NHEJ1: variants seen among roughly 807,000 people sequenced by gnomAD.
NHEJ1 encodes non-homologous end-joining factor 1.
NHEJ1 carries 22 observed loss-of-function variants against 39.4 expected under a neutral mutation model. The observed-to-expected ratio is 0.56, with a 90% CI of 0.40 to 0.80. NHEJ1 has a LOEUF of 0.80. NHEJ1 is among the 30% of genes least tolerant of loss of function. The pLI is 0.00. For synonymous variants in NHEJ1, 154 were observed against 135.6 expected (o/e 1.14, Z -0.94); for missense variants, 329 against 357.1 (o/e 0.92, Z 0.63).
chr2:219,150,426 C>A (rs559332359), intron 3 of NHEJ1, among the ~76,000 whole-genome samples: 1 of 152,284 alleles, frequency 6.6e-6, no homozygotes, highest in African/African-American at 2.4e-5. Flanking sequence ...AAAAACTTAA[C>A]CCTCTAGGAA....
intron 5 of NHEJ1, among the ~76,000 whole-genome samples, chr2:219,123,708 A>T (rs182249445): frequency 6.6e-6 from 1 of 152,042 alleles, no homozygotes; most frequent in East Asian, 1.9e-4. Context: ...TTACTCCTCT[A>T]GCCTGATCCT....
Position 219,075,613 on chromosome 2 carries a change from G to A in NHEJ1, c.*768C>T, listed in dbSNP as rs540294835. On this transcript the variant is annotated 3_prime_UTR_variant, in exon 8 of 8. Transcript: ENST00000356853. ...AAAAAAATACAAAAATTAGCTAGGT[G>A]TGGTGGTGTGTGCCTTTAGTCCCAG... 1 of 152,346 alleles carries A rather than the reference G, an allele frequency of 6.6e-6. No homozygotes were observed. The highest frequency in any genetic ancestry group is 3.4e-3 in the Middle Eastern group (1 of 294). The allele number at this position is 152,346 out of a possible 1,614,324, so 9.4% of individuals were successfully genotyped here.
chr2:219,114,195 G>A (rs1044902317), intron 5 of NHEJ1, among the ~76,000 whole-genome samples: 1 of 152,202 alleles, frequency 6.6e-6, no homozygotes, highest in African/African-American at 2.4e-5. Context: ...TGCTTATGAA[G>A]GGGTCTCCTG....
rs1948984172 is a variant in NHEJ1, at chr2:219,073,547, C to T, written c.*2834G>A. ...GTCCTAGCTAACTATGGGGGACCAG[C>T]CGGCAAGGCCAAGTAGGCCTTGCAA... On this transcript the variant is annotated 3_prime_UTR_variant, in exon 8 of 8. Coordinates refer to ENST00000356853, the MANE Select transcript of NHEJ1 (RefSeq NM_024782.3). Among the ~76,000 whole-genome samples, 1 of 152,194 alleles carries T rather than the reference C, an allele frequency of 6.6e-6. No individual in the cohort carries two copies. The highest frequency in any genetic ancestry group is 2.4e-5 in the African/African-American group (1 of 41,456).
rs1307759091 is a variant in NHEJ1 at position 219,073,192 on chromosome 2, C to T, written c.*3189G>A. Among the ~76,000 whole-genome samples, 1 of 152,172 alleles carries T rather than the reference C, an allele frequency of 6.6e-6. No homozygotes were observed. Among genetic ancestry groups the T allele is most frequent in the Non-Finnish European group, 1.5e-5 (1 of 68,036 alleles). ...TGGTCTCAACAGGCTAGACTCTTTC[C>T]AGTTCAGAGCATAGAAGCACAGATC... On this transcript the variant is annotated 3_prime_UTR_variant, in exon 8 of 8. Coordinates refer to ENST00000356853, the MANE Select transcript of NHEJ1 (RefSeq NM_024782.3).
chr2:219,159,666 T>C (rs1161908493), intron 1 of NHEJ1, among the ~76,000 whole-genome samples: 1 of 150,128 alleles, frequency 6.7e-6, no homozygotes, highest in Non-Finnish European at 1.5e-5. Context: ...GTTTGGAGGA[T>C]GGTGTTTCCG....
chr2:219,094,697 C>T (rs1949190384), intron 5 of NHEJ1, among the ~76,000 whole-genome samples: 1 of 152,136 alleles, frequency 6.6e-6, no homozygotes, highest in Non-Finnish European at 1.5e-5. Flanking sequence ...AATCTCTCCA[C>T]TTCCTTGCAG....
At chr2:219,152,841 T>TAGCC (rs1949810826) in intron 3 of NHEJ1, among the ~76,000 whole-genome samples, 1 of 140,242 alleles carries the variant, frequency 7.1e-6, no homozygotes, top group South Asian at 2.3e-4. Flanking sequence ...AGTCTCGCTG[T>TAGCC]AGCCAGGCTG....
Position 219,111,888 on chromosome 2 carries a change from G to A in NHEJ1, c.589-33682C>T, listed in dbSNP as rs941041777. 2.0e-5 allele frequency among the ~76,000 whole-genome samples: 3 copies of A among 152,202 alleles called. No individual in the cohort carries two copies. Among genetic ancestry groups the A allele is most frequent in the East Asian group, 1.9e-4 (1 of 5,200 alleles). On this transcript the variant is annotated intron_variant, in intron 5 of 7. Coordinates refer to ENST00000356853, the MANE Select transcript of NHEJ1 (RefSeq NM_024782.3). This position sits in a 1 kb window ranked among gnomAD's most constrained non-coding sequence, Gnocchi z 4.1. Reference sequence around the variant, plus strand: ...GGCCAGCATCATGGCAGGATGGGGCGAGGCCATGCTTTAGGGGTGGGGGGA... The same window carrying A: ...GGCCAGCATCATGGCAGGATGGGGCAAGGCCATGCTTTAGGGGTGGGGGGA...
chr2:219,128,192 T>C (rs1461099690), intron 5 of NHEJ1, among the ~76,000 whole-genome samples: 31 of 152,186 alleles, frequency 2.0e-4, no homozygotes, highest in Admixed American at 2.0e-3. Context: ...AGTATAGAAA[T>C]TGAGTGTAAG....
intron 6 of NHEJ1, among the ~76,000 whole-genome samples, 154 bp from the exon 7 acceptor site, chr2:219,077,518 T>A (rs1213591416): frequency 6.6e-6 from 1 of 152,212 alleles, no homozygotes; most frequent in Non-Finnish European, 1.5e-5. Flanking sequence ...CAGCTGACTT[T>A]CAGAAAGTCC....
chr2:219,126,185 C>T (rs1040104286), intron 5 of NHEJ1, among the ~76,000 whole-genome samples: 4 of 152,326 alleles, frequency 2.6e-5, no homozygotes, highest in African/African-American at 4.8e-5. Flanking sequence ...GTTACAGGAA[C>T]GCTATTTACT....
At chr2:219,077,200 G>A in intron 7 of NHEJ1, 46 bp downstream of exon 7, 1 of 1,409,606 alleles carries the variant, frequency 7.1e-7, no homozygotes, top group Non-Finnish European at 1.0e-6. Flanking sequence ...GGGGGCTATA[G>A]GTGCCAACTC....
At chr2:219,137,309 C>T (rs1949640962) in intron 5 of NHEJ1, among the ~76,000 whole-genome samples, 1 of 152,050 alleles carries the variant, frequency 6.6e-6, no homozygotes. Context: ...CCATGATCTT[C>T]CTAGTCTATC....
intron 5 of NHEJ1, among the ~76,000 whole-genome samples, chr2:219,101,082 A>G (rs976756230): frequency 2.0e-5 from 3 of 152,138 alleles, no homozygotes; most frequent in Non-Finnish European, 4.4e-5. Context: ...TTTTTTGGGT[A>G]ACAGTGTATC....
chr2:219,102,471 G>C (rs1449550285), intron 5 of NHEJ1: 2 of 152,280 alleles, frequency 1.3e-5, no homozygotes, highest in East Asian at 1.9e-4. Flanking sequence ...CAGATACCAG[G>C]AGGCTGAGGC....
intron 5 of NHEJ1, among the ~76,000 whole-genome samples, chr2:219,101,044 C>T (rs1284945025): frequency 6.6e-6 from 1 of 152,186 alleles, no homozygotes; most frequent in Non-Finnish European, 1.5e-5. Context: ...AATGGGATCA[C>T]ATTACATATA....
At chr2:219,080,549 A>T (rs1949053111) in intron 5 of NHEJ1, among the ~76,000 whole-genome samples, 1 of 133,468 alleles carries the variant, frequency 7.5e-6, no homozygotes, top group Non-Finnish European at 1.5e-5. Flanking sequence ...AAATAAATAA[A>T]AATATATATA....
At chr2:219,133,803 T>C (rs2106352590) in intron 5 of NHEJ1, among the ~76,000 whole-genome samples, 1 of 152,322 alleles carries the variant, frequency 6.6e-6, no homozygotes, top group South Asian at 2.1e-4. Flanking sequence ...AATCTACTAA[T>C]CTATCTTCAA....
Sources: gnomAD v4.1 joint callset for allele counts (sites outside exome capture counted in the v4.1 genomes callset) on GRCh38, gnomAD v4.1.1 for gene constraint, Gnocchi (gnomAD v3.1) non-coding constraint, MANE v1.5 for transcripts, NCBI Gene and HGNC (gene_info 2026-07-23, HGNC 2026-07-21) for gene names.